Variants in PHACTR3 observed in about 807,000 individuals in gnomAD.
PHACTR3 encodes phosphatase and actin regulator 3, also known as protein phosphatase 1, regulatory subunit 123.
In PHACTR3, 16 loss-of-function variants were observed where a neutral mutation model predicts 66.8. The observed-to-expected ratio is 0.24, with a 90% CI of 0.16 to 0.36. The LOEUF (loss-of-function observed/expected upper bound fraction) is 0.36. PHACTR3 is among the 10% of genes least tolerant of loss of function. The probability of loss-of-function intolerance (pLI) is 1.00; values close to 1 mark genes in which losing one functional copy is unlikely to be tolerated. For missense variants in PHACTR3, 647 were observed against 719.9 expected (o/e 0.90, Z 1.16); for synonymous variants, 323 against 292.1 (o/e 1.11, Z -1.08).
intron 9 of PHACTR3, among the ~76,000 whole-genome samples, chr20:59,840,092 C>A (rs2094864088): frequency 2.0e-5 from 3 of 152,152 alleles, no homozygotes; most frequent in Admixed American, 2.0e-4. Context: ...AAACAAACAG[C>A]AGCCATATCT....
At chr20:59,676,605 G>A (rs931097666) in intron 1 of PHACTR3, 6 of 690,836 alleles carry the variant, frequency 8.7e-6, no homozygotes, top group African/African-American at 3.9e-5. Flanking sequence ...GGAGCGGAGC[G>A]AGTCCCCAGG....
At chr20:59,781,686 T>A (rs558719820) in intron 7 of PHACTR3, among the ~76,000 whole-genome samples, 1 of 152,342 alleles carries the variant, frequency 6.6e-6, no homozygotes, top group Admixed American at 6.5e-5. Context: ...TAATATACTG[T>A]GTACTTTATA....
At chr20:59,676,885 C>CTT (rs371799678) in intron 1 of PHACTR3, 28 of 160,830 alleles carry the variant, frequency 1.7e-4, no homozygotes, top group Non-Finnish European at 2.4e-4. Context: ...AAGAGAATGG[C>CTT]TTTTTTTTTT....
At chr20:59,661,126 A>G (rs1238237988) in intron 1 of PHACTR3, among the ~76,000 whole-genome samples, 1 of 152,136 alleles carries the variant, frequency 6.6e-6, no homozygotes, top group Admixed American at 6.6e-5. Flanking sequence ...GGAAAGGAAA[A>G]TTGGATTCGA....
At chr20:59,742,268 T>C (rs2146764070) in intron 1 of PHACTR3, among the ~76,000 whole-genome samples, 1 of 152,148 alleles carries the variant, frequency 6.6e-6, no homozygotes, top group East Asian at 1.9e-4. Context: ...ACACAGGTGG[T>C]TGACAGGACA....
At chr20:59,843,937 C>T (rs2059108206) in intron 11 of PHACTR3, 1 of 151,922 alleles carries the variant, frequency 6.6e-6, no homozygotes, top group Non-Finnish European at 1.5e-5. Flanking sequence ...CAAAAAGGGA[C>T]TAATATCCAG....
chr20:59,798,203 G>A (rs1353544363), intron 7 of PHACTR3, among the ~76,000 whole-genome samples: 6 of 150,998 alleles, frequency 4.0e-5, no homozygotes, highest in African/African-American at 1.2e-4. Context: ...ACAAAAAGAT[G>A]TGAACTATTG....
chr20:59,791,780 C>T (rs2041108835), intron 7 of PHACTR3, among the ~76,000 whole-genome samples: 1 of 137,226 alleles, frequency 7.3e-6, no homozygotes, highest in Non-Finnish European at 1.5e-5. Context: ...TGGTCCTGTT[C>T]CTGTGTCCAT....
At chr20:59,827,996 C>G (rs747661962) in intron 8 of PHACTR3, among the ~76,000 whole-genome samples, 1 of 152,148 alleles carries the variant, frequency 6.6e-6, no homozygotes, top group Non-Finnish European at 1.5e-5. Flanking sequence ...AGGATGGTCC[C>G]GGGAGGCAGG....
At chr20:59,597,748 G>T (rs933842795) in intron 1 of PHACTR3, among the ~76,000 whole-genome samples, 1 of 152,216 alleles carries the variant, frequency 6.6e-6, no homozygotes, top group Non-Finnish European at 1.5e-5. Context: ...CAGGTGCAAG[G>T]TCTTTCTCTG....
chr20:59,747,978 A>T (rs1158232964), intron 3 of PHACTR3, 143 bp downstream of exon 3: 3 of 853,398 alleles, frequency 3.5e-6, no homozygotes, highest in Non-Finnish European at 5.4e-6. Context: ...AAGGTTGGAG[A>T]GACACCCCAT....
intron 1 of PHACTR3, among the ~76,000 whole-genome samples, chr20:59,639,872 T>G (rs1600984225): frequency 6.6e-6 from 1 of 152,350 alleles, no homozygotes; most frequent in Admixed American, 6.5e-5. Flanking sequence ...TTGAAACCTG[T>G]TCTCTTTCCT....
At chr20:59,671,794 C>T (rs1173060269) in intron 1 of PHACTR3, among the ~76,000 whole-genome samples, 1 of 152,232 alleles carries the variant, frequency 6.6e-6, no homozygotes, top group Non-Finnish European at 1.5e-5. Context: ...GTGGCTGCTG[C>T]CTGCTCCAGG....
At chr20:59,674,599 G>C (rs57317181) in intron 1 of PHACTR3, among the ~76,000 whole-genome samples, 3 of 27,280 alleles carry the variant, frequency 1.1e-4, no homozygotes, top group African/African-American at 2.6e-4. Context: ...TCCTGTCCCC[G>C]CTTCTCCTGT....
intron 8 of PHACTR3, among the ~76,000 whole-genome samples, chr20:59,816,789 G>C (rs1046634355): frequency 6.6e-6 from 1 of 152,164 alleles, no homozygotes; most frequent in African/African-American, 2.4e-5. Context: ...ATGGCCATCT[G>C]GATGGTGGGA....
chr20:59,708,782 A>C (rs2037810860), intron 1 of PHACTR3, among the ~76,000 whole-genome samples: 1 of 152,154 alleles, frequency 6.6e-6, no homozygotes, highest in Non-Finnish European at 1.5e-5. Flanking sequence ...CCCCACCATC[A>C]AACACCTAAG....
chr20:59,641,699 A>T (rs889173409), intron 1 of PHACTR3, among the ~76,000 whole-genome samples: 1 of 152,240 alleles, frequency 6.6e-6, no homozygotes, highest in African/African-American at 2.4e-5. Context: ...TTGACACATT[A>T]AAGGAACCAT....
At chr20:59,594,918 ACCTT>A (rs1449640986) in intron 1 of PHACTR3, among the ~76,000 whole-genome samples, 1 of 152,168 alleles carries the variant, frequency 6.6e-6, no homozygotes, top group Admixed American at 6.5e-5. Flanking sequence ...TCTAGGATAT[ACCTT>A]CAGTGTTATA....
chr20:59,615,329 C>T (rs1462002764), intron 1 of PHACTR3, among the ~76,000 whole-genome samples: 6 of 152,118 alleles, frequency 3.9e-5, no homozygotes, highest in South Asian at 2.1e-4. Flanking sequence ...TCTTGTGGCC[C>T]GGCCATGATT....
Sources: gnomAD v4.1 joint callset for allele counts (sites outside exome capture counted in the v4.1 genomes callset) on GRCh38, gnomAD v4.1.1 for gene constraint, MANE v1.5 for transcripts, NCBI Gene and HGNC (gene_info 2026-07-23, HGNC 2026-07-21) for gene names.